Variants in TCF12 observed in about 807,000 individuals in gnomAD.
TCF12 encodes transcription factor 12.
In TCF12, 45 loss-of-function variants were observed where a neutral mutation model predicts 86.0. The ratio of observed to expected loss-of-function variants is 0.52; its 90% CI spans 0.41 to 0.67. The LOEUF is 0.67. Among genes scored for constraint, TCF12 ranks in the 30% least tolerant of loss-of-function variants. TCF12 has a pLI of 0.00. For synonymous variants in TCF12, 330 were observed against 299.6 expected (o/e 1.10, Z -1.05); for missense variants, 881 against 859.9 (o/e 1.02, Z -0.31).
At position 57,288,857 on chromosome 15, in the gene TCF12, C is replaced by G. The variant is rs2062015424; in HGVS notation, c.*2712C>G. The G allele has an allele frequency of 6.6e-6, 1 of 152,302 alleles. No individual in the cohort carries two copies. The highest frequency in any genetic ancestry group is 1.5e-5 in the Non-Finnish European group (1 of 68,030). 9.4% of individuals were successfully genotyped at this position (152,302 alleles called of 1,614,324 possible). ...AAGATGGAAAAAGACTCAAAAGAGGCTTTTTAAGTTATTCTTCAAAGCACT... is the reference window on the plus strand; with the variant it reads ...AAGATGGAAAAAGACTCAAAAGAGGGTTTTTAAGTTATTCTTCAAAGCACT... On this transcript the variant is annotated 3_prime_UTR_variant, in exon 21 of 21. Transcript: ENST00000333725.
chr15:56,935,734 T>C (rs1298182018), intron 3 of TCF12, among the ~76,000 whole-genome samples: 1 of 152,218 alleles, frequency 6.6e-6, no homozygotes, highest in Non-Finnish European at 1.5e-5. Context: ...TGTTTGGTTT[T>C]CCATTCCTGA....
chr15:57,213,710 C>G (rs1392339853), intron 8 of TCF12, among the ~76,000 whole-genome samples: 2 of 151,892 alleles, frequency 1.3e-5, no homozygotes, highest in Non-Finnish European at 2.9e-5. Context: ...AAAGAAGAAA[C>G]AAAAAAACGG....
At chr15:57,187,294 C>T (rs1484988951) in intron 6 of TCF12, among the ~76,000 whole-genome samples, 3 of 152,028 alleles carry the variant, frequency 2.0e-5, no homozygotes, top group Admixed American at 2.0e-4. Context: ...TTACAAAAAA[C>T]CCACAGCTAA....
intron 3 of TCF12, among the ~76,000 whole-genome samples, chr15:56,965,734 C>G (rs2061972937): frequency 1.3e-5 from 2 of 151,960 alleles, no homozygotes; most frequent in Non-Finnish European, 2.9e-5. Flanking sequence ...TCTGATAAAA[C>G]TTTAGGGATA....
chr15:57,165,698 G>C (rs763476768), intron 5 of TCF12, among the ~76,000 whole-genome samples: 5 of 150,988 alleles, frequency 3.3e-5, no homozygotes, highest in Non-Finnish European at 1.5e-5. Context: ...CACCATGCCT[G>C]GCTAATTTTT....
chr15:56,918,473 G>T (rs1396903909), upstream of TCF12: 9 of 329,322 alleles, frequency 2.7e-5, no homozygotes, highest in Non-Finnish European at 5.4e-5. Flanking sequence ...CCCCAACTCC[G>T]TCCCGCCTCA....
intron 8 of TCF12, among the ~76,000 whole-genome samples, chr15:57,201,818 T>C (rs1272612854): frequency 6.6e-6 from 1 of 152,214 alleles, no homozygotes; most frequent in Non-Finnish European, 1.5e-5. Flanking sequence ...AACTGCCAAC[T>C]CTTGTCTTTG....
chr15:57,028,368 A>AT (rs11393931), intron 3 of TCF12, among the ~76,000 whole-genome samples: 37,571 of 152,078 alleles, frequency 0.25, 5,477 homozygotes, highest in African/African-American at 0.39. Context: ...GTTGCTCAAC[A>AT]TTCTCTATCA....
intron 16 of TCF12, among the ~76,000 whole-genome samples, chr15:57,260,629 C>T (rs951688324): frequency 5.9e-5 from 9 of 152,064 alleles, no homozygotes; most frequent in African/African-American, 2.2e-4. Context: ...AATTATTTCC[C>T]CAGCCCGTCA....
At chr15:57,041,736 A>T (rs1313599685) in intron 3 of TCF12, among the ~76,000 whole-genome samples, 1 of 152,190 alleles carries the variant, frequency 6.6e-6, no homozygotes. Context: ...CACTTATACA[A>T]AAGCAAAAAT....
intron 5 of TCF12, among the ~76,000 whole-genome samples, chr15:57,123,723 G>T (rs1325641691): frequency 6.6e-6 from 1 of 151,662 alleles, no homozygotes; most frequent in African/African-American, 2.4e-5. Context: ...AGGCCGAGGC[G>T]GGTGGATCAC....
intron 12 of TCF12, among the ~76,000 whole-genome samples, chr15:57,236,105 C>A (rs2059369528): frequency 6.6e-6 from 1 of 152,166 alleles, no homozygotes; most frequent in African/African-American, 2.4e-5. Flanking sequence ...CCAGGTCATT[C>A]CATAAATCAT....
At chr15:57,275,000 A>T (rs975766707) in intron 19 of TCF12, among the ~76,000 whole-genome samples, 4 of 152,184 alleles carry the variant, frequency 2.6e-5, no homozygotes, top group African/African-American at 9.7e-5. Flanking sequence ...GACCTTATTC[A>T]TTTGTAACAT....
At chr15:57,072,005 G>A (rs1387669375) in intron 4 of TCF12, among the ~76,000 whole-genome samples, 1 of 152,130 alleles carries the variant, frequency 6.6e-6, no homozygotes, top group Non-Finnish European at 1.5e-5. Context: ...TATTCTTTGG[G>A]AGCCAATTAA....
At chr15:57,211,753 A>G (rs1416625904) in intron 8 of TCF12, among the ~76,000 whole-genome samples, 1 of 152,216 alleles carries the variant, frequency 6.6e-6, no homozygotes, top group South Asian at 2.1e-4. Flanking sequence ...CAGGAGTTCA[A>G]GACCAGCCTG....
At chr15:57,180,305 C>G (rs1444894178) in intron 6 of TCF12, among the ~76,000 whole-genome samples, 1 of 152,070 alleles carries the variant, frequency 6.6e-6, no homozygotes, top group Non-Finnish European at 1.5e-5. Context: ...CTGTCATAAT[C>G]TCTGAAACTT....
chr15:57,015,510 G>A (rs554482204), intron 3 of TCF12, among the ~76,000 whole-genome samples: 24 of 152,146 alleles, frequency 1.6e-4, no homozygotes, highest in Non-Finnish European at 2.8e-4. Context: ...TAAAGTGGCT[G>A]AATGCCACCT....
chr15:57,169,340 A>C (rs2151560355), intron 6 of TCF12, among the ~76,000 whole-genome samples: 1 of 152,308 alleles, frequency 6.6e-6, no homozygotes, highest in Middle Eastern at 3.4e-3. Flanking sequence ...CAGATATATG[A>C]AAGTGCTTTT....
chr15:56,996,132 A>G (rs1176558835), intron 3 of TCF12, among the ~76,000 whole-genome samples: 1 of 152,208 alleles, frequency 6.6e-6, no homozygotes, highest in Admixed American at 6.6e-5. Flanking sequence ...CCAGGAATAA[A>G]GCCTACTTGA....
Sources: allele counts gnomAD v4.1 joint callset (sites outside exome capture counted in the v4.1 genomes callset), GRCh38; gene constraint gnomAD v4.1.1; transcripts MANE v1.5; gene names NCBI Gene and HGNC (gene_info 2026-07-23, HGNC 2026-07-21).